Variants in MIPEP observed in about 807,000 individuals in gnomAD.
MIPEP encodes the protein mitochondrial intermediate peptidase.
MIPEP carries 79 observed loss-of-function variants against 90.3 expected under a neutral mutation model. The observed-to-expected ratio is 0.87, with a 90% confidence interval of 0.73 to 1.05. The LOEUF (loss-of-function observed/expected upper bound fraction) is 1.05. MIPEP is among the 50% of genes least tolerant of loss of function. MIPEP has a pLI of 0.00. For missense variants in MIPEP, 940 were observed against 905.6 expected, an observed-to-expected ratio of 1.04 and a Z score of -0.49; for synonymous variants, 334 against 315.8, an observed-to-expected ratio of 1.06 and a Z score of -0.61.
At chr13:23,799,000 G>GTTTTTTTTTTTTTTTTTTTT (rs765292524) in intron 16 of MIPEP, among the ~76,000 whole-genome samples, 1 of 88,904 alleles carries the variant, frequency 1.1e-5, no homozygotes, top group African/African-American at 4.7e-5. Context: ...AATTTTTTTG[G>GTTTTTTTTTTTTTTTTTTTT]TTTTTTTTTT....
chr13:23,736,375 T>C (rs1240092277), intron 18 of MIPEP, among the ~76,000 whole-genome samples: 4 of 152,124 alleles, frequency 2.6e-5, no homozygotes, highest in African/African-American at 9.7e-5. Flanking sequence ...ACAGAGAATA[T>C]ATAAAGAGTA....
chr13:23,772,345 A>G (rs919013493), intron 16 of MIPEP, among the ~76,000 whole-genome samples: 2 of 152,204 alleles, frequency 1.3e-5, no homozygotes, highest in Admixed American at 1.3e-4. Context: ...AAACGGCTAC[A>G]GTTGTGGCTG....
Position 23,791,302 on chromosome 13 carries a change from T to C in MIPEP, c.1848+14648A>G, listed in dbSNP as rs181358071. On this transcript the variant is annotated intron_variant, in intron 16 of 18. Coordinates refer to ENST00000382172, the MANE Select transcript of MIPEP (RefSeq NM_005932.4). ...CCCCACAGCTCTCTTTTCAAACCAG[T>C]GGCACTAACCCCACTTGGGCCCTTA... Among the ~76,000 whole-genome samples, 175 of 152,302 alleles carry C rather than the reference T, an allele frequency of 1.1e-3. 1 individual carries two copies. The highest frequency in any genetic ancestry group is 4.1e-3 in the African/African-American group (169 of 41,570).
At chr13:23,800,499 C>T (rs1018386129) in intron 16 of MIPEP, among the ~76,000 whole-genome samples, 13 of 152,130 alleles carry the variant, frequency 8.5e-5, no homozygotes, top group African/African-American at 3.1e-4. Context: ...ATATGTTGTA[C>T]TATTGCCCTC....
chr13:23,794,279 T>G (rs1952933089), intron 16 of MIPEP, among the ~76,000 whole-genome samples: 1 of 152,178 alleles, frequency 6.6e-6, no homozygotes, highest in Non-Finnish European at 1.5e-5. Context: ...GAGACTGTAT[T>G]GTAAAGCTTT....
At chr13:23,829,990 T>C (rs1398976675) in intron 14 of MIPEP, among the ~76,000 whole-genome samples, 1 of 152,202 alleles carries the variant, frequency 6.6e-6, no homozygotes, top group African/African-American at 2.4e-5. Context: ...ATAGAAACCA[T>C]TGCTGAGAGG....
chr13:23,815,486 T>G (rs1953223078), intron 14 of MIPEP, among the ~76,000 whole-genome samples: 1 of 152,172 alleles, frequency 6.6e-6, no homozygotes, highest in African/African-American at 2.4e-5. Context: ...CTAATTTTTG[T>G]ATAGTAGAGA....
chr13:23,788,641 A>T (rs1203421932), intron 16 of MIPEP, among the ~76,000 whole-genome samples: 4 of 152,254 alleles, frequency 2.6e-5, no homozygotes, highest in African/African-American at 9.6e-5. Flanking sequence ...GGAGAGCTGG[A>T]TTACTAGTGA....
rs746137294 is a variant in MIPEP at position 23,836,263 on chromosome 13, C to A, written c.1630G>T (p.Ala544Ser). The change falls in exon 14 of 19, where the codon GCC becomes TCC. Residue 544 changes from alanine (A) to serine (S), a missense_variant. Ala to Ser is a moderately conservative substitution (Grantham distance 99). Transcript: ENST00000382172. Reference sequence around the variant, plus strand: ...ACCTGTCCAGTCTGATAATGTCTGGCAAATTGGTTAACTACTCGATAATCA... The same window carrying A: ...ACCTGTCCAGTCTGATAATGTCTGGAAAATTGGTTAACTACTCGATAATCA... Reference protein sequence around the residue: ...ANDYRVVNQFARHYQTGQPLP... With the variant: ...ANDYRVVNQFSRHYQTGQPLP... The A allele has an allele frequency of 1.9e-6, 3 of 1,602,292 alleles. No individual in the cohort carries two copies. Among genetic ancestry groups the A allele is most frequent in the South Asian group, 1.1e-5 (1 of 88,204 alleles).
intron 17 of MIPEP, among the ~76,000 whole-genome samples, chr13:23,758,503 G>C (rs1318910190): frequency 6.6e-6 from 1 of 152,146 alleles, no homozygotes; most frequent in African/African-American, 2.4e-5. Context: ...TACTTTTCTA[G>C]TAAAGTATAC....
intron 16 of MIPEP, among the ~76,000 whole-genome samples, chr13:23,779,547 TG>T (rs1952755504): frequency 6.6e-6 from 1 of 151,696 alleles, no homozygotes. Flanking sequence ...AGAAGACGGG[TG>T]ATTTCCACAT....
intron 17 of MIPEP, 79 bp from the exon 18 acceptor site, chr13:23,756,697 C>T: frequency 7.4e-7 from 1 of 1,346,304 alleles, no homozygotes; most frequent in Non-Finnish European, 1.0e-6. Flanking sequence ...CAAAGAAAGC[C>T]ACACTGATGC....
At chr13:23,836,502 T>G (rs1869056733) in intron 13 of MIPEP, among the ~76,000 whole-genome samples, 153 bp from the exon 14 acceptor site, 1 of 152,226 alleles carries the variant, frequency 6.6e-6, no homozygotes, top group Admixed American at 6.5e-5. Context: ...TTATTGTACA[T>G]ATTTGCAGAA....
intron 16 of MIPEP, among the ~76,000 whole-genome samples, chr13:23,805,293 CTGTT>C (rs1253009999): frequency 6.6e-6 from 1 of 152,144 alleles, no homozygotes; most frequent in African/African-American, 2.4e-5. Flanking sequence ...TGAAAAAAGC[CTGTT>C]TGTTTTGAAC....
At chr13:23,829,751 C>T (rs982852042) in intron 14 of MIPEP, among the ~76,000 whole-genome samples, 4 of 152,058 alleles carry the variant, frequency 2.6e-5, no homozygotes, top group African/African-American at 9.7e-5. Context: ...AGGGGCCAGC[C>T]TGGGCAACCT....
chr13:23,738,448 GTT>G (rs36091630), intron 18 of MIPEP, among the ~76,000 whole-genome samples: 4 of 139,584 alleles, frequency 2.9e-5, no homozygotes, highest in Non-Finnish European at 6.3e-5. Flanking sequence ...AAATTACTGA[GTT>G]TTTTTTTTTT....
At chr13:23,787,211 ACCATAGACTGGGTG>A (rs1952852168) in intron 16 of MIPEP, among the ~76,000 whole-genome samples, 1 of 152,204 alleles carries the variant, frequency 6.6e-6, no homozygotes, top group Non-Finnish European at 1.5e-5. Flanking sequence ...ATAACAAAAT[ACCATAGACTGGGTG>A]GCTTAAACAA....
At chr13:23,837,211 ACTT>A (rs1869093009) in intron 13 of MIPEP, among the ~76,000 whole-genome samples, 1 of 152,222 alleles carries the variant, frequency 6.6e-6, no homozygotes, top group African/African-American at 2.4e-5. Flanking sequence ...TCATTCACTT[ACTT>A]ATTAACTCTG....
chr13:23,846,689 C>T (rs1220118075), intron 10 of MIPEP, among the ~76,000 whole-genome samples: 4 of 152,206 alleles, frequency 2.6e-5, no homozygotes, highest in South Asian at 4.1e-4. Context: ...ACATGAGATC[C>T]ACTTGTGGTG....
Sources: gnomAD v4.1 joint callset for allele counts (sites outside exome capture counted in the v4.1 genomes callset) on GRCh38, gnomAD v4.1.1 for gene constraint, MANE v1.5 for transcripts, NCBI Gene and HGNC (gene_info 2026-07-23, HGNC 2026-07-21) for gene names.